Variants in HIVEP3 observed in about 807,000 individuals in gnomAD.
The protein encoded by HIVEP3 is transcription factor HIVEP3.
In HIVEP3, 49 loss-of-function variants were observed where a neutral mutation model predicts 152.8. The ratio of observed to expected loss-of-function variants is 0.32; its 90% confidence interval spans 0.26 to 0.41. HIVEP3 has a LOEUF of 0.41. Among genes scored for constraint, HIVEP3 ranks in the 10% least tolerant of loss-of-function variants. The pLI is 1.00. For synonymous variants in HIVEP3, 1,269 were observed against 1,289.0 expected, an observed-to-expected ratio of 0.98 and a Z score of 0.33; for missense variants, 2,790 against 3,103.3, an observed-to-expected ratio of 0.90 and a Z score of 2.40.
intron 2 of HIVEP3, among the ~76,000 whole-genome samples, chr1:41,653,969 A>C (rs1021920406): frequency 2.6e-5 from 4 of 150,970 alleles, no homozygotes; most frequent in South Asian, 2.1e-4. Context: ...AAAAAAAAAA[A>C]AAAAAAAAAA....
intron 2 of HIVEP3, among the ~76,000 whole-genome samples, chr1:41,680,260 G>C (rs996989219): frequency 3.9e-5 from 6 of 152,204 alleles, no homozygotes; most frequent in Admixed American, 1.3e-4. Context: ...GGCTCCATCA[G>C]TACTGAGCAT....
rs1645363630 is a variant in HIVEP3 at position 41,991,829 on chromosome 1, C to A, written n.119+43978G>T. On this transcript the variant is annotated intron_variant and non_coding_transcript_variant, in intron 1 of 3. Transcript: ENST00000489103. ...TCAAGTGGGCTTCATCCCTGGGATG[C>A]AAGGCTGGTTCAATATACGCAAATC... Among the ~76,000 whole-genome samples, 10 of 118,284 alleles carry A rather than the reference C, an allele frequency of 8.5e-5. No homozygotes were observed. In the South Asian group the frequency reaches 3.2e-3, roughly 38 times the overall value. The allele number at this position is 118,284 out of a possible 152,430, so 77.6% of individuals were successfully genotyped here.
intron 3 of HIVEP3, among the ~76,000 whole-genome samples, chr1:41,618,218 C>G (rs1394593055): frequency 6.6e-6 from 1 of 152,208 alleles, no homozygotes; most frequent in Non-Finnish European, 1.5e-5. Context: ...CCCGGAGCCA[C>G]CAGGCTTGCC....
intron 5 of HIVEP3, among the ~76,000 whole-genome samples, chr1:41,562,735 C>A (rs75435866): frequency 0.015 from 2,207 of 151,908 alleles, 64 homozygotes; most frequent in African/African-American, 0.047. Context: ...CTTTTGGAAG[C>A]TGGAAAGAGA....
At chr1:41,919,738 A>G (rs1207207194), upstream of HIVEP3, among the ~76,000 whole-genome samples, 1 of 152,162 alleles carries the variant, frequency 6.6e-6, no homozygotes, top group Non-Finnish European at 1.5e-5. Context: ...TTTGAAAAAA[A>G]TTATTCTTCG....
At chr1:41,790,100 C>T (rs991384349) in intron 1 of HIVEP3, among the ~76,000 whole-genome samples, 2 of 152,326 alleles carry the variant, frequency 1.3e-5, no homozygotes, top group Admixed American at 1.3e-4. Context: ...CACTTCTTAA[C>T]TGCGTGCTAT....
intron 1 of HIVEP3, among the ~76,000 whole-genome samples, chr1:41,926,235 G>A (rs184187141): frequency 7.9e-4 from 120 of 152,116 alleles, no homozygotes; most frequent in Non-Finnish European, 1.5e-3. Flanking sequence ...CAACTCCCTC[G>A]TACTTTTTAT....
chr1:41,769,926 C>T (rs543347825), intron 1 of HIVEP3, among the ~76,000 whole-genome samples: 36 of 152,274 alleles, frequency 2.4e-4, no homozygotes, highest in Non-Finnish European at 3.7e-4. Flanking sequence ...AAAATGGCAG[C>T]AGGCAAGATT....
chr1:41,646,132 GT>G (rs1220696128), intron 2 of HIVEP3, among the ~76,000 whole-genome samples: 2 of 152,168 alleles, frequency 1.3e-5, no homozygotes, highest in African/African-American at 2.4e-5. Flanking sequence ...TGGGAGAGGA[GT>G]TTTTACTCCT....
At chr1:42,010,764 A>G (rs1405208113) in intron 1 of HIVEP3, among the ~76,000 whole-genome samples, 1 of 152,172 alleles carries the variant, frequency 6.6e-6, no homozygotes, top group Non-Finnish European at 1.5e-5. Context: ...AAATTGCTCT[A>G]TACACATCTT....
At chr1:41,877,084 T>C (rs1644182073) in intron 1 of HIVEP3, among the ~76,000 whole-genome samples, 1 of 152,172 alleles carries the variant, frequency 6.6e-6, no homozygotes, top group African/African-American at 2.4e-5. Flanking sequence ...ATCCTAAAAC[T>C]CTTCTTTCTT....
intron 1 of HIVEP3, among the ~76,000 whole-genome samples, chr1:41,833,133 T>C (rs991370324): frequency 1.1e-4 from 16 of 152,178 alleles, no homozygotes; most frequent in Non-Finnish European, 1.5e-4. Context: ...AAAGTCAAGG[T>C]CTTCCTATTA....
chr1:41,650,188 G>T (rs988534162), intron 2 of HIVEP3, among the ~76,000 whole-genome samples: 4 of 152,114 alleles, frequency 2.6e-5, no homozygotes, highest in African/African-American at 9.7e-5. Context: ...TCAAAAGAGG[G>T]TCAAGAAGAA....
chr1:41,855,925 A>C (rs1643753544), intron 1 of HIVEP3, among the ~76,000 whole-genome samples: 1 of 152,242 alleles, frequency 6.6e-6, no homozygotes, highest in African/African-American at 2.4e-5. Context: ...TTGCTCTGTC[A>C]TACAGGCTGG....
rs1644374729 is a variant in HIVEP3, at chr1:41,579,887, G to A, written c.4911C>T (p.Pro1637=). 1 of 1,614,096 alleles carries A rather than the reference G, an allele frequency of 6.2e-7. No homozygotes were observed. The change falls in exon 4 of 9, where the codon CCC becomes CCT. Residue 1637 remains proline, a synonymous_variant. Transcript: ENST00000372583. ...YAGWCISLYN[P]NLPGVSTKAA... is the part of the protein sequence containing the mutation. ...CTTTAGTGGAAACCCCCGGAAGGTT[G>A]GGGTTGTACAAACTTATGCACCAAC... is the stretch of plus-strand genomic sequence containing the variant.
chr1:41,787,364 G>A (rs1205659462), intron 1 of HIVEP3, among the ~76,000 whole-genome samples: 3 of 152,058 alleles, frequency 2.0e-5, no homozygotes, highest in Non-Finnish European at 2.9e-5. Flanking sequence ...TAAAAGTTCA[G>A]TTCCTCAGTT....
At chr1:41,689,255 T>C (rs890238024) in intron 2 of HIVEP3, among the ~76,000 whole-genome samples, 2 of 152,236 alleles carry the variant, frequency 1.3e-5, no homozygotes, top group African/African-American at 4.8e-5. Flanking sequence ...CTCAACCCCC[T>C]GCTGGTAGGG....
intron 1 of HIVEP3, among the ~76,000 whole-genome samples, chr1:41,938,604 G>A (rs1645031211): frequency 6.6e-6 from 1 of 152,200 alleles, no homozygotes; most frequent in South Asian, 2.1e-4. Flanking sequence ...AGAATGGAAG[G>A]ATTTGAGCAG....
chr1:42,011,948 C>G (rs1645494797), intron 1 of HIVEP3, among the ~76,000 whole-genome samples: 1 of 152,186 alleles, frequency 6.6e-6, no homozygotes, highest in South Asian at 2.1e-4. Flanking sequence ...AACTTCTCTA[C>G]AGGGCCTCAT....
Sources: gnomAD v4.1 joint callset for allele counts (sites outside exome capture counted in the v4.1 genomes callset) on GRCh38, gnomAD v4.1.1 for gene constraint, MANE v1.5 for transcripts, NCBI Gene and HGNC (gene_info 2026-07-23, HGNC 2026-07-21) for gene names.